Variants in CNTNAP2 observed in about 807,000 individuals in gnomAD.
CNTNAP2 encodes contactin associated protein 2.
Under a neutral mutation model 155.2 loss-of-function variants are expected in CNTNAP2, and 98 were observed. The ratio of observed to expected loss-of-function variants is 0.63; its 90% CI spans 0.54 to 0.75. The LOEUF is 0.75. CNTNAP2 is among the 30% of genes least tolerant of loss of function. CNTNAP2 has a pLI of 0.00. For synonymous variants in CNTNAP2, 651 were observed against 631.2 expected (o/e 1.03, Z -0.47); for missense variants, 1,727 against 1,688.1 (o/e 1.02, Z -0.40).
At chr7:147,759,362 C>G (rs1386264034) in intron 13 of CNTNAP2, among the ~76,000 whole-genome samples, 2 of 152,162 alleles carry the variant, frequency 1.3e-5, no homozygotes, top group Non-Finnish European at 2.9e-5. Flanking sequence ...TTTAGACATT[C>G]TGAATAAAAC....
At chr7:146,938,217 C>T (rs937345751) in intron 3 of CNTNAP2, among the ~76,000 whole-genome samples, 6 of 152,054 alleles carry the variant, frequency 3.9e-5, no homozygotes, top group Admixed American at 6.5e-5. Context: ...TGAACTTGCA[C>T]ACATACTATG....
At chr7:146,371,958 C>CAA (rs111816450) in intron 1 of CNTNAP2, among the ~76,000 whole-genome samples, 14 of 107,708 alleles carry the variant, frequency 1.3e-4, no homozygotes, top group African/African-American at 3.7e-4. Context: ...AACTCCATCT[C>CAA]AAAAAAAAAA....
At chr7:147,176,826 T>C (rs1246800671) in intron 8 of CNTNAP2, among the ~76,000 whole-genome samples, 1 of 126,152 alleles carries the variant, frequency 7.9e-6, no homozygotes, top group African/African-American at 3.1e-5. Context: ...AGAATAATTA[T>C]AATATATAAT....
intron 3 of CNTNAP2, among the ~76,000 whole-genome samples, chr7:147,006,367 T>C (rs1468998487): frequency 2.0e-5 from 3 of 152,064 alleles, no homozygotes; most frequent in Admixed American, 6.6e-5. Flanking sequence ...AAGGGAGATA[T>C]CTTTTACAAA....
chr7:147,947,322 A>G (rs1462348806), intron 14 of CNTNAP2, among the ~76,000 whole-genome samples: 1 of 151,884 alleles, frequency 6.6e-6, no homozygotes, highest in East Asian at 1.9e-4. Context: ...TCCTAGTCAG[A>G]TAAGGAAATT....
intron 8 of CNTNAP2, among the ~76,000 whole-genome samples, chr7:147,193,170 A>G (rs17487146): frequency 0.22 from 33,958 of 152,134 alleles, 4,951 homozygotes; most frequent in Non-Finnish European, 0.32. Context: ...AAGGTTATTC[A>G]TGTATTTTTC....
At chr7:146,389,142 GCTTGA>G (rs1302240756) in intron 1 of CNTNAP2, among the ~76,000 whole-genome samples, 1 of 151,626 alleles carries the variant, frequency 6.6e-6, no homozygotes, top group Admixed American at 6.6e-5. Flanking sequence ...TTCGCAAAAG[GCTTGA>G]CTTATTTTCA....
rs116710378 is a variant in CNTNAP2, at chr7:147,179,072, C to T, written c.1348+46563C>T. Among the ~76,000 whole-genome samples the T allele has an allele frequency of 3.2e-3, 491 of 152,218 alleles. 5 individuals are homozygous for T. The highest frequency in any genetic ancestry group is 0.011 in the African/African-American group (442 of 41,536). ...TGATTGTCATCTAACCTTTCTGAGA[C>T]TCCATATCCTTACTTTTTAACTAAG... On this transcript the variant is annotated intron_variant, in intron 8 of 23. Transcript: ENST00000361727.
chr7:148,304,298 GA>G (rs74972870), intron 21 of CNTNAP2, among the ~76,000 whole-genome samples: 25,425 of 152,062 alleles, frequency 0.17, 2,241 homozygotes, highest in South Asian at 0.32. Context: ...TGCTGCCTCT[GA>G]TAATACATAT....
intron 3 of CNTNAP2, among the ~76,000 whole-genome samples, chr7:146,900,074 A>G (rs1465461100): frequency 6.6e-6 from 1 of 152,240 alleles, no homozygotes; most frequent in Non-Finnish European, 1.5e-5. Context: ...AATTCAAGCT[A>G]TAATTTCAGT....
At chr7:147,629,541 CA>C (rs1452353739) in intron 12 of CNTNAP2, among the ~76,000 whole-genome samples, 1 of 151,800 alleles carries the variant, frequency 6.6e-6, no homozygotes, top group African/African-American at 2.4e-5. Context: ...CTTTCTTCAA[CA>C]CACAGAACAT....
chr7:146,158,293 G>A (rs1798159889), intron 1 of CNTNAP2, among the ~76,000 whole-genome samples: 1 of 152,240 alleles, frequency 6.6e-6, no homozygotes. Flanking sequence ...AGAAGCCAGA[G>A]CAGGAAAGCT....
At chr7:147,727,376 A>T (rs1401219544) in intron 13 of CNTNAP2, among the ~76,000 whole-genome samples, 1 of 152,046 alleles carries the variant, frequency 6.6e-6, no homozygotes, top group Non-Finnish European at 1.5e-5. Context: ...TCTACGTAAG[A>T]CTAACCTCAC....
chr7:148,180,179 C>A (rs1275488176), intron 18 of CNTNAP2, among the ~76,000 whole-genome samples: 1 of 152,136 alleles, frequency 6.6e-6, no homozygotes, highest in East Asian at 1.9e-4. Flanking sequence ...CTTAATAATC[C>A]CAGCTTGGAA....
At chr7:148,247,922 G>T (rs866768503) in intron 20 of CNTNAP2, among the ~76,000 whole-genome samples, 1 of 151,976 alleles carries the variant, frequency 6.6e-6, no homozygotes, top group African/African-American at 2.4e-5. Context: ...CCAAAGTGCT[G>T]GGATTACAGG....
intron 4 of CNTNAP2, among the ~76,000 whole-genome samples, chr7:147,047,801 A>C (rs1799395234): frequency 6.6e-6 from 1 of 152,198 alleles, no homozygotes; most frequent in African/African-American, 2.4e-5. Context: ...AAATAACTGA[A>C]GCAAATCAGG....
intron 14 of CNTNAP2, among the ~76,000 whole-genome samples, chr7:147,916,608 A>T (rs1360066389): frequency 7.3e-6 from 1 of 136,962 alleles, no homozygotes; most frequent in Non-Finnish European, 1.6e-5. Flanking sequence ...AAAAAAAAAA[A>T]TACAGTGTAT....
At chr7:147,958,769 A>C (rs907729519) in intron 14 of CNTNAP2, among the ~76,000 whole-genome samples, 3 of 152,196 alleles carry the variant, frequency 2.0e-5, no homozygotes, top group Non-Finnish European at 2.9e-5. Flanking sequence ...TTCTAATAAG[A>C]CAGACACTGA....
At chr7:147,902,816 G>GTGTGTA (rs1554447687) in intron 13 of CNTNAP2, among the ~76,000 whole-genome samples, 148 of 109,130 alleles carry the variant, frequency 1.4e-3, no homozygotes, top group African/African-American at 3.5e-3. Flanking sequence ...GTGTGTGTAT[G>GTGTGTA]TGTGTGTGTG....
Sources: allele counts gnomAD v4.1 joint callset (sites outside exome capture counted in the v4.1 genomes callset), GRCh38; gene constraint gnomAD v4.1.1; transcripts MANE v1.5; gene names NCBI Gene and HGNC (gene_info 2026-07-23, HGNC 2026-07-21).